Variants in CDH13 observed in about 807,000 individuals in gnomAD.
The protein encoded by CDH13 is cadherin 13.
A neutral mutation model predicts 63.8 loss-of-function variants in CDH13; 24 were observed. The observed-to-expected ratio is 0.38, with a 90% CI of 0.27 to 0.53. The LOEUF (loss-of-function observed/expected upper bound fraction) is 0.53. Among genes scored for constraint, CDH13 ranks in the 20% least tolerant of loss-of-function variants. The probability of loss-of-function intolerance (pLI) is 0.85; values close to 1 mark genes in which losing one functional copy is unlikely to be tolerated. For missense variants in CDH13, 1,049 were observed against 903.1 expected (o/e 1.16, Z -2.07); for synonymous variants, 503 against 355.3 (o/e 1.42, Z -4.67).
At chr16:83,367,171 C>G (rs1433520304) in intron 6 of CDH13, among the ~76,000 whole-genome samples, 1 of 152,212 alleles carries the variant, frequency 6.6e-6, no homozygotes, top group East Asian at 1.9e-4. Context: ...GATCCACTTT[C>G]TACCTCCATG....
At position 83,643,904 on chromosome 16, in the gene CDH13, A is replaced by T. The variant is rs578022574; in HGVS notation, c.1102-26886A>T. ...CCTACCCACGCTTTACGTACTACCC[A>T]GCTCTTCCTCTAAGTGGGATCCTCC... On this transcript the variant is annotated intron_variant, in intron 8 of 13. Coordinates refer to ENST00000567109, the MANE Select transcript of CDH13 (RefSeq NM_001257.5). 5.9e-5 allele frequency among the ~76,000 whole-genome samples: 9 copies of T among 152,290 alleles called. No individual in the cohort carries two copies. The South Asian group carries it at 1.9e-3, about 32-fold the overall frequency.
chr16:82,943,394 G>C (rs1904342224), intron 2 of CDH13, among the ~76,000 whole-genome samples: 1 of 152,152 alleles, frequency 6.6e-6, no homozygotes, highest in Non-Finnish European at 1.5e-5. Context: ...TGAAATCCCA[G>C]TGAATGATTT....
At chr16:83,268,792 G>A (rs983706154) in intron 5 of CDH13, among the ~76,000 whole-genome samples, 3 of 152,144 alleles carry the variant, frequency 2.0e-5, no homozygotes, top group Non-Finnish European at 4.4e-5. Context: ...ACTTGAAGCT[G>A]GGCACAGGTT....
At chr16:83,078,599 C>G (rs554118747) in intron 3 of CDH13, among the ~76,000 whole-genome samples, 1 of 152,308 alleles carries the variant, frequency 6.6e-6, no homozygotes, top group South Asian at 2.1e-4. Context: ...CAGACCAGTA[C>G]CGGTCCATGG....
At chr16:82,796,860 G>T (rs749955230) in intron 1 of CDH13, among the ~76,000 whole-genome samples, 6 of 152,212 alleles carry the variant, frequency 3.9e-5, no homozygotes, top group African/African-American at 7.2e-5. Context: ...GTGTATTTCA[G>T]TGTTTCTCCA....
chr16:82,873,235 A>G (rs763545846), intron 2 of CDH13, among the ~76,000 whole-genome samples: 1 of 152,190 alleles, frequency 6.6e-6, no homozygotes, highest in South Asian at 2.1e-4. Context: ...ACTGTGATCC[A>G]GGAGGAGGGC....
At chr16:83,415,165 C>A (rs1372641832) in intron 6 of CDH13, among the ~76,000 whole-genome samples, 1 of 151,004 alleles carries the variant, frequency 6.6e-6, no homozygotes, top group Non-Finnish European at 1.5e-5. Flanking sequence ...GAAAAAAAAA[C>A]CTAGGTAACC....
intron 7 of CDH13, among the ~76,000 whole-genome samples, chr16:83,534,778 G>C (rs1451773882): frequency 6.6e-6 from 1 of 152,208 alleles, no homozygotes; most frequent in Non-Finnish European, 1.5e-5. Context: ...ATGCTGCTAT[G>C]AGCATGCATT....
intron 1 of CDH13, among the ~76,000 whole-genome samples, chr16:82,745,499 G>A (rs757538309): frequency 8.5e-5 from 13 of 152,112 alleles, no homozygotes; most frequent in Non-Finnish European, 1.8e-4. Flanking sequence ...AGCTACTCAG[G>A]AGGCTGAGGC....
At chr16:83,033,956 C>T (rs1157364195) in intron 3 of CDH13, among the ~76,000 whole-genome samples, 1 of 152,086 alleles carries the variant, frequency 6.6e-6, no homozygotes, top group Non-Finnish European at 1.5e-5. Context: ...TTAGCCACAT[C>T]CCTGCTTGAT....
At chr16:82,991,833 A>C (rs1911694165) in intron 2 of CDH13, among the ~76,000 whole-genome samples, 1 of 147,386 alleles carries the variant, frequency 6.8e-6, no homozygotes, top group Non-Finnish European at 1.5e-5. Flanking sequence ...GGGAAGGAGA[A>C]ATTTAAAACT....
At chr16:83,383,094 C>G (rs1029463878) in intron 6 of CDH13, 2 of 152,218 alleles carry the variant, frequency 1.3e-5, no homozygotes, top group Non-Finnish European at 2.9e-5. Flanking sequence ...CTTTCCCTGA[C>G]TTTCATCGTC....
At chr16:83,073,469 G>C (rs1284302848) in intron 3 of CDH13, among the ~76,000 whole-genome samples, 2 of 151,898 alleles carry the variant, frequency 1.3e-5, no homozygotes, top group Non-Finnish European at 2.9e-5. Flanking sequence ...AGATGCTGCT[G>C]TTTAATAACC....
At chr16:83,490,471 C>T (rs530203435) in intron 7 of CDH13, among the ~76,000 whole-genome samples, 2 of 152,194 alleles carry the variant, frequency 1.3e-5, no homozygotes, top group South Asian at 4.1e-4. Flanking sequence ...CTCCTCCCTT[C>T]CCAGGATGTC....
At chr16:83,760,072 C>G (rs1913839397) in intron 11 of CDH13, among the ~76,000 whole-genome samples, 1 of 151,954 alleles carries the variant, frequency 6.6e-6, no homozygotes, top group Non-Finnish European at 1.5e-5. Context: ...TGAAAAGATG[C>G]TCAACTTAAT....
chr16:83,474,886 A>G (rs1181718687), intron 6 of CDH13, among the ~76,000 whole-genome samples: 1 of 152,200 alleles, frequency 6.6e-6, no homozygotes, highest in African/African-American at 2.4e-5. Flanking sequence ...CAACCGCTGG[A>G]GGAGCCAAGT....
At chr16:83,789,220 G>A (rs1053870459) in intron 13 of CDH13, among the ~76,000 whole-genome samples, 18 of 152,106 alleles carry the variant, frequency 1.2e-4, no homozygotes, top group Admixed American at 3.9e-4. Context: ...GCCGACCCAC[G>A]TGTGCTACCA....
intron 11 of CDH13, among the ~76,000 whole-genome samples, chr16:83,752,837 T>A (rs1204197669): frequency 6.6e-6 from 1 of 152,240 alleles, no homozygotes; most frequent in East Asian, 1.9e-4. Context: ...TATTAAATGT[T>A]CACTACATGT....
At chr16:83,351,823 C>G (rs992460376) in intron 6 of CDH13, among the ~76,000 whole-genome samples, 4 of 152,166 alleles carry the variant, frequency 2.6e-5, no homozygotes, top group Non-Finnish European at 5.9e-5. Flanking sequence ...TAGTCTGTAT[C>G]TTGGCTAAGC....
Sources: gnomAD v4.1 joint callset for allele counts (sites outside exome capture counted in the v4.1 genomes callset) on GRCh38, gnomAD v4.1.1 for gene constraint, MANE v1.5 for transcripts, NCBI Gene and HGNC (gene_info 2026-07-23, HGNC 2026-07-21) for gene names.